The following IFI44 variants were observed in gnomAD, a reference collection of about 807,000 sequenced individuals.
IFI44 encodes the protein interferon-induced protein 44.
A neutral mutation model predicts 45.0 loss-of-function variants in IFI44; 42 were observed. The observed-to-expected ratio is 0.93, with a 90% CI of 0.73 to 1.21. The LOEUF is 1.21. Among genes scored for constraint, IFI44 ranks in the 50% most tolerant of loss-of-function variants. The probability of loss-of-function intolerance (pLI) is 0.00; values close to 1 mark genes in which losing one functional copy is unlikely to be tolerated. For synonymous variants in IFI44, 221 were observed against 188.6 expected, an observed-to-expected ratio of 1.17 and a Z score of -1.41; for missense variants, 623 against 525.8, an observed-to-expected ratio of 1.18 and a Z score of -1.81.
chr1:78,656,883 A>G (rs541086194), intron 5 of IFI44, among the ~76,000 whole-genome samples: 4 of 151,602 alleles, frequency 2.6e-5, no homozygotes, highest in African/African-American at 9.7e-5. Flanking sequence ...TCTTTTTTAA[A>G]TACAAACTTT....
rs577711842 is a variant in IFI44 at position 78,660,764 on chromosome 1, C to T, written c.1113+110C>T. ...CAGCTACTGGGTTTAAGAAGAATTACAAAATTACTTAAATAGGGCCCGTTT... is the reference window on the plus strand; with the variant it reads ...CAGCTACTGGGTTTAAGAAGAATTATAAAATTACTTAAATAGGGCCCGTTT... On this transcript the variant is annotated intron_variant, in intron 7 of 8. Coordinates refer to ENST00000370747, the MANE Select transcript of IFI44 (RefSeq NM_006417.5). The T allele has an allele frequency of 5.6e-5, 43 of 772,734 alleles. 2 individuals are homozygous for T. The South Asian group carries it at 5.6e-4, about 10-fold the overall frequency. The allele number at this position is 772,734 out of a possible 1,614,324, so 47.9% of individuals were successfully genotyped here. A position where few individuals can be genotyped will look rare whatever the true frequency, so the allele number is the denominator to read the frequency against.
chr1:78,652,922 A>G (rs980047080), intron 2 of IFI44, among the ~76,000 whole-genome samples: 2 of 152,144 alleles, frequency 1.3e-5, no homozygotes, highest in African/African-American at 4.8e-5. Context: ...AAATTTCTAG[A>G]ACTATAAGTA....
intron 7 of IFI44, among the ~76,000 whole-genome samples, chr1:78,661,042 A>G (rs59610674): frequency 0.44 from 67,220 of 152,016 alleles, 15,159 homozygotes; most frequent in African/African-American, 0.52. Flanking sequence ...TAACCTGTAC[A>G]TGTTCAGTAC....
intron 2 of IFI44, 51 bp from the exon 3 acceptor site, chr1:78,654,192 C>A (rs1647168283): frequency 3.2e-6 from 3 of 951,436 alleles, no homozygotes; most frequent in African/African-American, 1.6e-5. Context: ...ATTCATTCAG[C>A]CAATTATTCG....
At chr1:78,660,986 G>C (rs1480584315) in intron 7 of IFI44, among the ~76,000 whole-genome samples, 1 of 152,050 alleles carries the variant, frequency 6.6e-6, no homozygotes, top group Non-Finnish European at 1.5e-5. Flanking sequence ...TAAATGCTTT[G>C]TAAATAGTTG....
At chr1:78,660,297 C>T (rs1570402041) in intron 6 of IFI44, among the ~76,000 whole-genome samples, 2 of 152,090 alleles carry the variant, frequency 1.3e-5, no homozygotes, top group East Asian at 1.9e-4. Flanking sequence ...TTAGTTACCT[C>T]TTCCAAGAGG....
In IFI44 at chr1:78,660,543, G is replaced by C. The variant is rs748575302; in HGVS notation, c.1013-11G>C. On this transcript the variant is annotated splice_polypyrimidine_tract_variant and intron_variant, in intron 6 of 8. Coordinates refer to ENST00000370747, the MANE Select transcript of IFI44 (RefSeq NM_006417.5). ...TCTCTAAAATGATTTAAAAAATTCT[G>C]TTTGGCATAGGTGTGGTACATGTGG... The C allele has an allele frequency of 1.3e-6, 2 of 1,594,402 alleles. No homozygotes were observed. The highest frequency in any genetic ancestry group is 2.7e-5 in the African/African-American group (2 of 74,234).
rs1471477837 is a variant in IFI44, at chr1:78,651,152, TG to T, written c.457+506del. Among the ~76,000 whole-genome samples the T allele has an allele frequency of 7.2e-5, 11 of 151,742 alleles. No individual in the cohort carries two copies. In the South Asian group the frequency reaches 1.2e-3, roughly 17 times the overall value. ...AGACAATTTTTCCACAGACTGGTGG[TG>T]GGGGGATGATTTCAAGCGCATTACA... On this transcript the variant is annotated intron_variant, in intron 2 of 8. Coordinates refer to ENST00000370747, the MANE Select transcript of IFI44 (RefSeq NM_006417.5).
chr1:78,650,045 A>ATT (rs373260648), intron 1 of IFI44, 140 bp downstream of exon 1: 2 of 470,852 alleles, frequency 4.2e-6, no homozygotes, highest in African/African-American at 4.0e-5. Flanking sequence ...TTAGCTAATG[A>ATT]TTTTTTTGCT....
rs138337984 is a variant in IFI44, at chr1:78,663,514, C to T, written c.1289-251C>T. 1.8e-3 allele frequency: 1,753 copies of T among 984,782 alleles called. 3 individuals are homozygous for T. The highest frequency in any genetic ancestry group is 2.0e-3 in the Non-Finnish European group (1,649 of 829,396). The allele number at this position is 984,782 out of a possible 1,614,324, so 61.0% of individuals were successfully genotyped here. A position where few individuals can be genotyped will look rare whatever the true frequency, so the allele number is the denominator to read the frequency against. On this transcript the variant is annotated intron_variant, in intron 8 of 8. Coordinates refer to ENST00000370747, the MANE Select transcript of IFI44 (RefSeq NM_006417.5). Reference sequence around the variant, plus strand: ...AGTATACTCAAATCTTATTTTAGTGCTTGGGAAATCAATTCAGAATATCAC... The same window carrying T: ...AGTATACTCAAATCTTATTTTAGTGTTTGGGAAATCAATTCAGAATATCAC...
intron 5 of IFI44, among the ~76,000 whole-genome samples, chr1:78,657,035 C>T (rs1647228057): frequency 6.6e-6 from 1 of 151,180 alleles, no homozygotes; most frequent in African/African-American, 2.4e-5. Context: ...TGAAGCAAAC[C>T]CAAGAAATCA....
chr1:78,662,867 T>C lies in IFI44; in HGVS notation c.1277T>C (p.Phe426Ser). 1 of 1,597,554 alleles carries C rather than the reference T, an allele frequency of 6.3e-7. No homozygotes were observed. Among genetic ancestry groups the C allele is most frequent in the Non-Finnish European group, 8.5e-7 (1 of 1,173,952 alleles). Residue 426 changes from phenylalanine to serine, a missense_variant, in exon 8 of 9, where the codon TTT becomes TCT. Physicochemically the swap from Phe to Ser is radical, Grantham distance 155 (BLOSUM62 -2). Transcript: ENST00000370747. ...AADDFLEDLP[F>S]EQIGNLREEI... ...GATGACTTCTTAGAGGATTTGCCTT[T>C]TGAGCAAATAGGTAGATGGTTTGGT...
intron 8 of IFI44, chr1:78,663,214 GA>G (rs1195236445): frequency 2.0e-6 from 2 of 985,124 alleles, no homozygotes; most frequent in East Asian, 2.3e-4. Context: ...TTGGGACCTA[GA>G]ACTGGATTGG....
intron 7 of IFI44, 165 bp downstream of exon 7, chr1:78,660,819 T>C (rs1647408193): frequency 1.6e-6 from 1 of 642,884 alleles, no homozygotes; most frequent in Non-Finnish European, 2.8e-6. Flanking sequence ...ATACAGTTGT[T>C]CCTTGGTATT....
rs768217606 is a variant in IFI44 at position 78,654,984 on chromosome 1, C to T, written c.495-30C>T. The T allele has an allele frequency of 1.2e-4, 173 of 1,480,026 alleles. 2 individuals are homozygous for T. The South Asian group carries it at 2.3e-3, about 20-fold the overall frequency. The allele number at this position is 1,480,026 out of a possible 1,614,324, so 91.7% of individuals were successfully genotyped here. A position where few individuals can be genotyped will look rare whatever the true frequency, so the allele number is the denominator to read the frequency against. Reference sequence around the variant, plus strand: ...TAAGGTTTTGCGACCTAACCTCAGTCAATTGTTAAAAACGGTCATGTCTAA... The same window carrying T: ...TAAGGTTTTGCGACCTAACCTCAGTTAATTGTTAAAAACGGTCATGTCTAA... On this transcript the variant is annotated intron_variant, in intron 3 of 8. Transcript: ENST00000370747.
rs148225315 is a variant in IFI44 at position 78,650,490 on chromosome 1, A to G, written c.295A>G (p.Thr99Ala). Residue 99 changes from threonine (T) to alanine (A), a missense_variant, in exon 2 of 9, where the codon ACA becomes GCA. Coordinates refer to ENST00000370747, the MANE Select transcript of IFI44 (RefSeq NM_006417.5). Reference protein sequence around the residue: ...EWKLGLCTPETLFCCDVTKYN... With the variant: ...EWKLGLCTPEALFCCDVTKYN... ...GAAACTAGGACTATGTACACCAGAA[A>G]CACTGTTTTGTTGTGATGTTACAAA... is the stretch of plus-strand genomic sequence containing the variant. 6.2e-7 allele frequency: 1 copy of G among 1,614,058 alleles called. No individual in the cohort carries two copies. The highest frequency in any genetic ancestry group is 2.2e-5 in the East Asian group (1 of 44,860).
At chr1:78,650,149 T>C (rs764284663) in intron 1 of IFI44, 37 bp from the exon 2 acceptor site, 2 of 1,418,768 alleles carry the variant, frequency 1.4e-6, no homozygotes, top group Non-Finnish European at 1.9e-6. Flanking sequence ...ATCTGTTTTT[T>C]AATATTTAAT....
chr1:78,656,431 C>T (rs997292012), intron 5 of IFI44, among the ~76,000 whole-genome samples: 1 of 152,132 alleles, frequency 6.6e-6, no homozygotes, highest in African/African-American at 2.4e-5. Flanking sequence ...TGTATCTTTC[C>T]ATTATGAAAT....
rs778376636 is a variant in IFI44, at chr1:78,655,140, G to A, written c.621G>A (p.Arg207=). 10 of 1,613,828 alleles carry A rather than the reference G, an allele frequency of 6.2e-6. No homozygotes were observed. The highest frequency in any genetic ancestry group is 7.6e-6 in the Non-Finnish European group (9 of 1,179,890). ...AGTCCAGCTTTTTCAACTCAGTGAG[G>A]TCTGTTTTCCAAGGGCATGTAACGC... is the stretch of plus-strand genomic sequence containing the variant. ...AGKSSFFNSV[R]SVFQGHVTHQ... The change falls in exon 4 of 9, where the codon AGG becomes AGA. Residue 207 remains arginine, a synonymous_variant. Transcript: ENST00000370747.
Sources: allele counts gnomAD v4.1 joint callset (sites outside exome capture counted in the v4.1 genomes callset), GRCh38; gene constraint gnomAD v4.1.1; transcripts MANE v1.5; gene names NCBI Gene and HGNC (gene_info 2026-07-23, HGNC 2026-07-21).